ZNF536: variants seen among roughly 807,000 people sequenced by gnomAD.
ZNF536 encodes the protein zinc finger protein 536.
In ZNF536, 13 loss-of-function variants were observed where a neutral mutation model predicts 84.5. The observed-to-expected ratio is 0.15, with a 90% CI of 0.10 to 0.24. The LOEUF is 0.24. Among genes scored for constraint, ZNF536 ranks in the 10% least tolerant of loss-of-function variants. ZNF536 has a pLI of 1.00. For missense variants in ZNF536, 1,536 were observed against 1,747.5 expected (o/e 0.88, Z 2.16); for synonymous variants, 811 against 742.5 (o/e 1.09, Z -1.50).
chr19:30,272,387 T>C (rs1311314510), intron 1 of ZNF536, among the ~76,000 whole-genome samples: 1 of 152,232 alleles, frequency 6.6e-6, no homozygotes, highest in African/African-American at 2.4e-5. Flanking sequence ...GTTAGTGTGG[T>C]ACTTTTGTTA....
intron 1 of ZNF536, among the ~76,000 whole-genome samples, chr19:30,379,537 G>A (rs776504014): frequency 2.0e-5 from 3 of 151,524 alleles, no homozygotes; most frequent in Non-Finnish European, 4.4e-5. Flanking sequence ...TATCATCGTT[G>A]CCAGGAGATC....
At chr19:30,289,062 T>A (rs1461306399) in intron 2 of ZNF536, among the ~76,000 whole-genome samples, 1 of 152,130 alleles carries the variant, frequency 6.6e-6, no homozygotes, top group African/African-American at 2.4e-5. Flanking sequence ...CATTCCTTTG[T>A]GAAGGAGCAT....
At chr19:30,545,321 T>G (rs2045498693) in intron 3 of ZNF536, among the ~76,000 whole-genome samples, 2 of 150,566 alleles carry the variant, frequency 1.3e-5, no homozygotes. Context: ...AACTGGTGTC[T>G]TACCACACTC....
At chr19:30,465,903 A>T (rs1324045182) in intron 2 of ZNF536, among the ~76,000 whole-genome samples, 1 of 151,862 alleles carries the variant, frequency 6.6e-6, no homozygotes, top group African/African-American at 2.4e-5. Flanking sequence ...GGCACCCGCC[A>T]CCACACCCAG....
At chr19:30,232,618 T>G (rs2023153219) in intron 1 of ZNF536, among the ~76,000 whole-genome samples, 2 of 152,074 alleles carry the variant, frequency 1.3e-5, no homozygotes, top group Admixed American at 1.3e-4. Flanking sequence ...GTCTTTCTCT[T>G]ACAGTGGAGT....
At chr19:30,244,472 TTTAA>T (rs1384265945) in intron 1 of ZNF536, among the ~76,000 whole-genome samples, 1 of 152,266 alleles carries the variant, frequency 6.6e-6, no homozygotes, top group African/African-American at 2.4e-5. Context: ...TTGATGCTGC[TTTAA>T]TTGTCTTATT....
intron 1 of ZNF536, among the ~76,000 whole-genome samples, chr19:30,679,114 G>A (rs895541224): frequency 2.0e-5 from 3 of 152,006 alleles, no homozygotes; most frequent in Admixed American, 6.5e-5. Context: ...AGGGGTGAAC[G>A]GGCTGCCCAT....
At chr19:30,348,836 G>A (rs1292149088) in intron 2 of ZNF536, among the ~76,000 whole-genome samples, 1 of 139,212 alleles carries the variant, frequency 7.2e-6, no homozygotes, top group Non-Finnish European at 1.5e-5. Flanking sequence ...TTATTTTCAC[G>A]TGATCCCTGA....
chr19:30,682,756 C>A (rs986049368), intron 1 of ZNF536, among the ~76,000 whole-genome samples: 15 of 152,156 alleles, frequency 9.9e-5, no homozygotes, highest in African/African-American at 3.6e-4. Context: ...TCTCCCCCAA[C>A]ACCCTCCATC....
intron 2 of ZNF536, among the ~76,000 whole-genome samples, chr19:30,317,135 TA>T (rs1469516519): frequency 6.6e-6 from 1 of 152,220 alleles, no homozygotes; most frequent in African/African-American, 2.4e-5. Flanking sequence ...AATACTGTTA[TA>T]AACACCTACA....
intron 1 of ZNF536, among the ~76,000 whole-genome samples, chr19:30,424,606 AG>A (rs1206126331): frequency 6.6e-6 from 1 of 151,788 alleles, no homozygotes; most frequent in Non-Finnish European, 1.5e-5. Context: ...GGGGATGAGG[AG>A]GGGAGGATGG....
intron 2 of ZNF536, among the ~76,000 whole-genome samples, chr19:30,333,970 G>A (rs753061003): frequency 1.6e-4 from 25 of 152,076 alleles, no homozygotes; most frequent in Non-Finnish European, 2.4e-4. Flanking sequence ...TCCTTAATGA[G>A]GATAGTTAAA....
intron 1 of ZNF536, among the ~76,000 whole-genome samples, chr19:30,264,966 T>TGTGTGTGTGAGA (rs59889852): frequency 0.011 from 1,421 of 133,800 alleles, 16 homozygotes; most frequent in Non-Finnish European, 0.014. Context: ...TGTGTGTGTG[T>TGTGTGTGTGAGA]GAGAGAGAGA....
At chr19:30,550,071 T>G (rs1354543544) in intron 4 of ZNF536, among the ~76,000 whole-genome samples, 1 of 152,230 alleles carries the variant, frequency 6.6e-6, no homozygotes, top group Non-Finnish European at 1.5e-5. Flanking sequence ...TGACTCATTT[T>G]TAGACAAACC....
At chr19:30,456,927 A>C (rs2052876129) in intron 2 of ZNF536, among the ~76,000 whole-genome samples, 1 of 151,994 alleles carries the variant, frequency 6.6e-6, no homozygotes. Flanking sequence ...CTGTAATCCC[A>C]GCTACTAGGG....
At chr19:30,448,230 G>A (rs915966096) in intron 2 of ZNF536, among the ~76,000 whole-genome samples, 3 of 152,126 alleles carry the variant, frequency 2.0e-5, no homozygotes, top group African/African-American at 7.2e-5. Context: ...AGAATTGAGG[G>A]CATACCAATA....
chr19:30,303,750 C>T (rs908439834), intron 2 of ZNF536, among the ~76,000 whole-genome samples: 10 of 152,200 alleles, frequency 6.6e-5, no homozygotes, highest in African/African-American at 1.9e-4. Flanking sequence ...GCCTCGGCCT[C>T]CCAAAGTGCT....
At chr19:30,390,390 A>G (rs2049533575) in intron 1 of ZNF536, among the ~76,000 whole-genome samples, 1 of 152,104 alleles carries the variant, frequency 6.6e-6, no homozygotes. Flanking sequence ...ATTAAATAAA[A>G]CTCTTTAGGG....
At chr19:30,595,043 T>G (rs2047410681) in intron 1 of ZNF536, among the ~76,000 whole-genome samples, 1 of 150,896 alleles carries the variant, frequency 6.6e-6, no homozygotes, top group Non-Finnish European at 1.5e-5. Context: ...GTGGCTGCAG[T>G]GGGCACCGCA....
Sources: allele counts gnomAD v4.1 joint callset (sites outside exome capture counted in the v4.1 genomes callset), GRCh38; gene constraint gnomAD v4.1.1; transcripts MANE v1.5; gene names NCBI Gene and HGNC (gene_info 2026-07-23, HGNC 2026-07-21).